The following PJA2 variants were observed in gnomAD, a reference collection of about 807,000 sequenced individuals.
PJA2 encodes the protein praja ring finger ubiquitin ligase 2, also known as E3 ubiquitin-protein ligase Praja-2.
A neutral mutation model predicts 69.3 loss-of-function variants in PJA2; 25 were observed. The ratio of observed to expected loss-of-function variants is 0.36; its 90% confidence interval spans 0.26 to 0.50. The LOEUF is 0.50. Ranked by LOEUF, PJA2 falls within the 20% of genes least tolerant of loss-of-function variation. The pLI is 0.96. For missense variants in PJA2, 809 were observed against 830.2 expected (o/e 0.97, Z 0.31); for synonymous variants, 308 against 277.8 (o/e 1.11, Z -1.08).
At chr5:109,409,380 C>T (rs539928497) in intron 1 of PJA2, 1 of 152,428 alleles carries the variant, frequency 6.6e-6, no homozygotes, top group African/African-American at 2.4e-5. Flanking sequence ...AGGCCTGTGG[C>T]GTAAGATGGT....
intron 1 of PJA2, among the ~76,000 whole-genome samples, chr5:109,396,584 G>A (rs946349949): frequency 1.5e-4 from 23 of 151,154 alleles, no homozygotes; most frequent in African/African-American, 1.9e-4. Flanking sequence ...GCGCCACCAC[G>A]TCCCGCTAAA....
chr5:109,397,973 C>T (rs1747456672), intron 1 of PJA2, among the ~76,000 whole-genome samples: 1 of 152,080 alleles, frequency 6.6e-6, no homozygotes, highest in African/African-American at 2.4e-5. Context: ...AAAACAACCC[C>T]ATCAAAAAGT....
chr5:109,364,451 G>A (rs190916592), intron 5 of PJA2, among the ~76,000 whole-genome samples: 4,434 of 151,018 alleles, frequency 0.029, 85 homozygotes, highest in Non-Finnish European at 0.045. Flanking sequence ...GTGAAACCCC[G>A]TCTCTACTAA....
At chr5:109,396,110 T>C (rs1747402762) in intron 1 of PJA2, among the ~76,000 whole-genome samples, 1 of 152,044 alleles carries the variant, frequency 6.6e-6, no homozygotes, top group Admixed American at 6.6e-5. Flanking sequence ...TCTGAGATAT[T>C]AGCAAGCCAT....
chr5:109,356,635 G>C (rs116790346), intron 6 of PJA2, among the ~76,000 whole-genome samples: 2 of 152,078 alleles, frequency 1.3e-5, no homozygotes, highest in Non-Finnish European at 2.9e-5. Flanking sequence ...ATGTAGGTGA[G>C]AATATGATAA....
At chr5:109,390,318 C>T (rs1747253216) in intron 1 of PJA2, among the ~76,000 whole-genome samples, 2 of 151,654 alleles carry the variant, frequency 1.3e-5, no homozygotes, top group Non-Finnish European at 2.9e-5. Flanking sequence ...ATAAATTGGC[C>T]CACTCATCAT....
At position 109,378,957 on chromosome 5, in the gene PJA2, T is replaced by C; in HGVS notation, c.530A>G (p.Asp177Gly). 6.2e-7 allele frequency: 1 copy of C among 1,614,188 alleles called. No homozygotes were observed. Among genetic ancestry groups the C allele is most frequent in the Non-Finnish European group, 8.5e-7 (1 of 1,180,020 alleles). Residue 177 changes from aspartate to glycine, a missense_variant, in exon 4 of 10, where the codon GAT becomes GGT. This residue lies in a region of PJA2 where 700 missense variants were observed against 639.5 expected (regional missense o/e 1.09). Transcript: ENST00000361189. ...TGCAGAAAGTTGAAGATGGTCATTATCTTCTCCATGTTTGCCATCTGGATC... is the reference window on the plus strand; with the variant it reads ...TGCAGAAAGTTGAAGATGGTCATTACCTTCTCCATGTTTGCCATCTGGATC... ...SYDPDGKHGEDNDHLQLSAEV... is the reference protein window; with the variant it reads ...SYDPDGKHGEGNDHLQLSAEV...
Position 109,368,893 on chromosome 5 carries a change from T to G in PJA2, c.1284-147A>C. 3 of 752,192 alleles carry G rather than the reference T, an allele frequency of 4.0e-6. No individual in the cohort carries two copies. The South Asian group carries it at 5.7e-5, about 14-fold the overall frequency. The allele number at this position is 752,192 out of a possible 1,614,324, so 46.6% of individuals were successfully genotyped here. A position where few individuals can be genotyped will look rare whatever the true frequency, so the allele number is the denominator to read the frequency against. ...CCAAAATGTTGGAGATGGGGCCTGG[T>G]GGGAGGTGACTGCATCATGGGGGTG... On this transcript the variant is annotated intron_variant, in intron 4 of 9. Coordinates refer to ENST00000361189, the MANE Select transcript of PJA2 (RefSeq NM_014819.5).
chr5:109,342,136 C>A, intron 9 of PJA2, among the ~76,000 whole-genome samples: 1 of 116,900 alleles, frequency 8.6e-6, no homozygotes, highest in Non-Finnish European at 1.9e-5. Flanking sequence ...CCGCCCCGTC[C>A]GGGAGGGAGG....
intron 3 of PJA2, among the ~76,000 whole-genome samples, 180 bp from the exon 4 acceptor site, chr5:109,379,434 T>C (rs1003929297): frequency 2.0e-5 from 3 of 152,234 alleles, no homozygotes; most frequent in Non-Finnish European, 4.4e-5. Context: ...CTCTATGAGT[T>C]CATTTATGTC....
intron 9 of PJA2, among the ~76,000 whole-genome samples, chr5:109,340,680 A>C (rs1395745323): frequency 9.5e-5 from 2 of 21,134 alleles, no homozygotes; most frequent in East Asian, 7.2e-4. Context: ...CCCTCTCCCC[A>C]CGGTCTCCCT....
chr5:109,406,413 T>C (rs1222019349), intron 1 of PJA2, among the ~76,000 whole-genome samples: 1 of 152,158 alleles, frequency 6.6e-6, no homozygotes, highest in Admixed American at 6.5e-5. Context: ...AGACATACAC[T>C]AGAGCAAATT....
intron 1 of PJA2, among the ~76,000 whole-genome samples, chr5:109,388,994 TAGAA>T (rs1747224884): frequency 6.6e-6 from 1 of 152,212 alleles, no homozygotes; most frequent in South Asian, 2.1e-4. Context: ...CAAATGTTAT[TAGAA>T]AGCTATTTTA....
At chr5:109,367,025 A>G (rs907617015) in intron 5 of PJA2, among the ~76,000 whole-genome samples, 8 of 151,718 alleles carry the variant, frequency 5.3e-5, no homozygotes, top group South Asian at 2.1e-4. Context: ...CCCGCTACTC[A>G]GGAGGCTGAG....
At chr5:109,361,995 T>G (rs1762513416) in intron 6 of PJA2, among the ~76,000 whole-genome samples, 1 of 152,222 alleles carries the variant, frequency 6.6e-6, no homozygotes, top group African/African-American at 2.4e-5. Context: ...CCTGAAGAGA[T>G]ATCAGGAGAT....
At chr5:109,380,300 C>A (rs996817803) in intron 3 of PJA2, among the ~76,000 whole-genome samples, 2 of 151,846 alleles carry the variant, frequency 1.3e-5, no homozygotes, top group African/African-American at 2.4e-5. Flanking sequence ...CAAAAATAAT[C>A]TAGAAATGTC....
intron 9 of PJA2, among the ~76,000 whole-genome samples, chr5:109,342,147 TG>T (rs1176476312): frequency 1.3e-5 from 1 of 76,516 alleles, no homozygotes; most frequent in Admixed American, 1.4e-4. Flanking sequence ...GGGAGGGAGG[TG>T]GGGGGGTCAG....
chr5:109,388,129 T>C (rs1286954109), intron 1 of PJA2, among the ~76,000 whole-genome samples: 2 of 152,122 alleles, frequency 1.3e-5, no homozygotes, highest in Non-Finnish European at 2.9e-5. Flanking sequence ...AATAAAAGGA[T>C]TGTGGCTTCC....
In PJA2 at chr5:109,380,423, A is replaced by G. The variant is rs1254630351; in HGVS notation, c.232+1080T>C. Reference sequence around the variant, plus strand: ...TTTCAAAACCATTGAATAACTAAGAAATTTTAATTGAATAAGCCTTCCTTG... The same window carrying G: ...TTTCAAAACCATTGAATAACTAAGAGATTTTAATTGAATAAGCCTTCCTTG... On this transcript the variant is annotated intron_variant, in intron 3 of 9. Transcript: ENST00000361189. Among the ~76,000 whole-genome samples the G allele has an allele frequency of 2.0e-5, 3 of 152,176 alleles. No individual in the cohort carries two copies. In the East Asian group the frequency reaches 5.8e-4, roughly 29 times the overall value.
Sources: gnomAD v4.1 joint callset for allele counts (sites outside exome capture counted in the v4.1 genomes callset) on GRCh38, gnomAD v4.1.1 for gene constraint, gnomAD v4.1.1 regional missense constraint, MANE v1.5 for transcripts, NCBI Gene and HGNC (gene_info 2026-07-23, HGNC 2026-07-21) for gene names.